The following KAZN variants were observed in gnomAD, a reference collection of about 807,000 sequenced individuals.
KAZN encodes the protein kazrin, periplakin interacting protein.
Under a neutral mutation model 87.4 loss-of-function variants are expected in KAZN, and 40 were observed. That is an observed-to-expected ratio of 0.46 (90% CI 0.36 to 0.60). KAZN has a LOEUF of 0.60. Ranked by LOEUF, KAZN falls within the 20% of genes least tolerant of loss-of-function variation. The probability of loss-of-function intolerance (pLI) is 0.00; values close to 1 mark genes in which losing one functional copy is unlikely to be tolerated. For missense variants in KAZN, 898 were observed against 1,073.9 expected, an observed-to-expected ratio of 0.84 and a Z score of 2.29; for synonymous variants, 466 against 458.3, an observed-to-expected ratio of 1.02 and a Z score of -0.22.
In KAZN at chr1:14,089,435, A is replaced by G. The variant is rs149562891; in HGVS notation, c.92-91000A>G. ...TTCTATTTTATCTTTACTTTAGCTTATTAGCCATTCATCATTGTCCATTTA... is the reference window on the plus strand; with the variant it reads ...TTCTATTTTATCTTTACTTTAGCTTGTTAGCCATTCATCATTGTCCATTTA... On this transcript the variant is annotated intron_variant, in intron 1 of 16. Transcript: ENST00000636203. Among the ~76,000 whole-genome samples the G allele has an allele frequency of 6.5e-3, 995 of 152,142 alleles. 10 individuals are homozygous for G. In the South Asian group the frequency reaches 0.066, roughly 10 times the overall value.
intron 2 of KAZN, among the ~76,000 whole-genome samples, chr1:14,221,393 T>C (rs1342906048): frequency 2.0e-5 from 3 of 152,180 alleles, no homozygotes; most frequent in Non-Finnish European, 1.5e-5. Context: ...ATCCTCACCC[T>C]CTAGAAATTT....
At chr1:14,622,687 C>T (rs1434151524) in intron 1 of KAZN, among the ~76,000 whole-genome samples, 1 of 67,460 alleles carries the variant, frequency 1.5e-5, no homozygotes, top group Non-Finnish European at 2.8e-5. Flanking sequence ...GAGACTCCAT[C>T]TCAAAAAAAA....
chr1:14,593,562 AACCCCAGGAGTTTAAAGACCTTC>A (rs1174683070), intron 2 of KAZN, among the ~76,000 whole-genome samples: 1 of 152,192 alleles, frequency 6.6e-6, no homozygotes, highest in African/African-American at 2.4e-5. Context: ...TTGTTTTGGA[AACCCCAGGAGTTTAAAGACCTTC>A]ACCCCAGGGA....
At chr1:14,965,987 T>A (rs545489924) in intron 2 of KAZN, among the ~76,000 whole-genome samples, 1 of 149,804 alleles carries the variant, frequency 6.7e-6, no homozygotes, top group Non-Finnish European at 1.5e-5. Context: ...CTTTTCTTTT[T>A]TTTTTTTTTT....
intron 2 of KAZN, among the ~76,000 whole-genome samples, chr1:14,250,984 A>G (rs1386314556): frequency 6.6e-6 from 1 of 152,222 alleles, no homozygotes; most frequent in East Asian, 1.9e-4. Context: ...TAGAGGAGGC[A>G]TAACCAAAAC....
intron 2 of KAZN, among the ~76,000 whole-genome samples, chr1:14,240,537 C>A (rs1054649637): frequency 1.3e-5 from 2 of 152,216 alleles, no homozygotes; most frequent in Non-Finnish European, 1.5e-5. Context: ...AACAGCCAGG[C>A]CCAAATATCC....
At chr1:14,534,498 A>G (rs2148485562) in intron 2 of KAZN, among the ~76,000 whole-genome samples, 1 of 152,222 alleles carries the variant, frequency 6.6e-6, no homozygotes, top group Admixed American at 6.5e-5. Context: ...TGCAAAAATT[A>G]GCCAGGCGTG....
chr1:14,184,745 G>A lies in KAZN; in HGVS notation c.249+4153G>A, dbSNP rs905250440. On this transcript the variant is annotated intron_variant, in intron 2 of 16. Transcript: ENST00000636203. This position sits in a 1 kb window ranked among gnomAD's most constrained non-coding sequence, Gnocchi z 4.2. ...TGGACACTCCCTGGCCTCAGATGGG[G>A]AAGTGCAGTGTGGACCAGAGGAAAC... 6.6e-6 allele frequency among the ~76,000 whole-genome samples: 1 copy of A among 152,206 alleles called. No individual in the cohort carries two copies. The highest frequency in any genetic ancestry group is 1.5e-5 in the Non-Finnish European group (1 of 68,044).
At chr1:14,808,361 A>G (rs1646292816) in intron 1 of KAZN, among the ~76,000 whole-genome samples, 1 of 128,644 alleles carries the variant, frequency 7.8e-6, no homozygotes, top group Non-Finnish European at 1.5e-5. Context: ...CAGTGGTTCG[A>G]TCTCAGTTCA....
At chr1:14,971,181 T>C (rs1350960679) in intron 2 of KAZN, among the ~76,000 whole-genome samples, 4 of 152,192 alleles carry the variant, frequency 2.6e-5, no homozygotes, top group Non-Finnish European at 1.5e-5. Context: ...GGGCGAATCA[T>C]GAGGTCAGGA....
chr1:14,837,210 G>A (rs965517305), intron 1 of KAZN, among the ~76,000 whole-genome samples: 2 of 152,136 alleles, frequency 1.3e-5, no homozygotes, highest in Non-Finnish European at 2.9e-5. Flanking sequence ...TGTTGCTGCT[G>A]TTTTTGAGAC....
intron 1 of KAZN, among the ~76,000 whole-genome samples, chr1:13,907,785 T>A (rs1639500056): frequency 6.6e-6 from 1 of 151,174 alleles, no homozygotes; most frequent in South Asian, 2.1e-4. Flanking sequence ...AGTCTCCCCA[T>A]GAGACATTTT....
At chr1:14,929,526 A>C (rs568746819) in intron 1 of KAZN, among the ~76,000 whole-genome samples, 142 of 152,330 alleles carry the variant, frequency 9.3e-4, no homozygotes, top group African/African-American at 3.3e-3. Context: ...AGCCTCCCTC[A>C]TCTGTAACAC....
At chr1:14,339,749 C>T (rs1657549524) in intron 2 of KAZN, among the ~76,000 whole-genome samples, 1 of 152,180 alleles carries the variant, frequency 6.6e-6, no homozygotes, top group Non-Finnish European at 1.5e-5. Flanking sequence ...TTATCCAAAA[C>T]CCACTTGCAG....
intron 1 of KAZN, among the ~76,000 whole-genome samples, chr1:14,770,697 A>G (rs953633839): frequency 3.3e-5 from 5 of 152,158 alleles, no homozygotes; most frequent in Admixed American, 6.5e-5. Context: ...CCAAAGTCCC[A>G]TTTGTCATTC....
chr1:14,342,799 A>G (rs1388639584), intron 2 of KAZN, among the ~76,000 whole-genome samples: 1 of 152,190 alleles, frequency 6.6e-6, no homozygotes. Context: ...AGGGAGCTGC[A>G]CTTGTCCTTA....
chr1:14,403,874 A>C (rs1200558486), intron 2 of KAZN, among the ~76,000 whole-genome samples: 2 of 152,250 alleles, frequency 1.3e-5, no homozygotes, highest in African/African-American at 4.8e-5. Flanking sequence ...ATGCAGACAC[A>C]CTATAGTGAA....
intron 1 of KAZN, among the ~76,000 whole-genome samples, chr1:14,929,022 A>G (rs534171505): frequency 1.3e-4 from 20 of 152,362 alleles, no homozygotes; most frequent in African/African-American, 4.3e-4. Context: ...CTTACTAGCT[A>G]TATGCCCCTA....
intron 2 of KAZN, among the ~76,000 whole-genome samples, chr1:14,292,486 C>T (rs935966825): frequency 6.6e-6 from 1 of 152,088 alleles, no homozygotes; most frequent in Admixed American, 6.5e-5. Flanking sequence ...TAGGGATAGG[C>T]GGAGTCCTTG....
Sources: allele counts gnomAD v4.1 joint callset (sites outside exome capture counted in the v4.1 genomes callset), GRCh38; gene constraint gnomAD v4.1.1; non-coding constraint Gnocchi (gnomAD v3.1); transcripts MANE v1.5; gene names NCBI Gene and HGNC (gene_info 2026-07-23, HGNC 2026-07-21).